Variants in UNC80 observed in about 807,000 individuals in gnomAD.
UNC80 encodes protein unc-80 homolog.
Under a neutral mutation model 384.6 loss-of-function variants are expected in UNC80, and 164 were observed. The ratio of observed to expected loss-of-function variants is 0.43; its 90% confidence interval spans 0.38 to 0.49. The LOEUF is 0.49. Ranked by LOEUF, UNC80 falls within the 20% of genes least tolerant of loss-of-function variation. The probability of loss-of-function intolerance (pLI) is 0.00; values close to 1 mark genes in which losing one functional copy is unlikely to be tolerated. For missense variants in UNC80, 3,330 were observed against 4,143.0 expected, an observed-to-expected ratio of 0.80 and a Z score of 5.39; for synonymous variants, 1,486 against 1,527.8, an observed-to-expected ratio of 0.97 and a Z score of 0.64.
At position 209,808,016 on chromosome 2, in the gene UNC80, G is replaced by A. The variant is rs568559240; in HGVS notation, c.939-5564G>A. Among the ~76,000 whole-genome samples, 7 of 152,228 alleles carry A rather than the reference G, an allele frequency of 4.6e-5. No individual in the cohort carries two copies. In the South Asian group the frequency reaches 1.0e-3, roughly 23 times the overall value. On this transcript the variant is annotated intron_variant, in intron 7 of 64. Coordinates refer to ENST00000673920, the MANE Select transcript of UNC80 (RefSeq NM_001371986.1). ...AACAAATTTTGATTACATAAGATAC[G>A]GATATGTTTCTAGTCTCTGATCACA...
chr2:209,848,349 T>C (rs1404923903), intron 21 of UNC80, among the ~76,000 whole-genome samples: 1 of 152,110 alleles, frequency 6.6e-6, no homozygotes, highest in Non-Finnish European at 1.5e-5. Context: ...TTTTGAACTT[T>C]TGAATATGGA....
rs1230626594 is a variant in UNC80, at chr2:209,813,785, A to G, written c.1144A>G (p.Arg382Gly). Residue 382 changes from arginine (R) to glycine (G), a missense_variant, in exon 8 of 65, where the codon AGG becomes GGG. This residue lies in a region of UNC80 where 937 missense variants were observed against 1,026.8 expected (regional missense o/e 0.91). Coordinates refer to ENST00000673920, the MANE Select transcript of UNC80 (RefSeq NM_001371986.1). Reference protein sequence around the residue: ...EPDIPLLPRPRSSSMVAAAPS... With the variant: ...EPDIPLLPRPGSSSMVAAAPS... ...AGATATTCCTCTCCTGCCCAGACCCAGGAGTAGCTCCATGGTGGCAGCAGC... is the reference window on the plus strand; with the variant it reads ...AGATATTCCTCTCCTGCCCAGACCCGGGAGTAGCTCCATGGTGGCAGCAGC... 1 of 1,552,062 alleles carries G rather than the reference A, an allele frequency of 6.4e-7. No individual in the cohort carries two copies. The highest frequency in any genetic ancestry group is 8.7e-7 in the Non-Finnish European group (1 of 1,147,104).
chr2:209,933,236 G>A (rs527313019), intron 38 of UNC80, among the ~76,000 whole-genome samples: 23 of 152,112 alleles, frequency 1.5e-4, no homozygotes, highest in African/African-American at 4.3e-4. Context: ...AACTTTAAAA[G>A]GTGCAAAAGA....
At chr2:209,820,211 G>C in intron 12 of UNC80, 100 bp from the exon 13 acceptor site, 1 of 1,396,732 alleles carries the variant, frequency 7.2e-7, no homozygotes, top group Non-Finnish European at 9.3e-7. Context: ...CAATTTCATA[G>C]ACTAGCCTAA....
chr2:209,932,057 G>C (rs889401011), intron 38 of UNC80, among the ~76,000 whole-genome samples: 2 of 152,150 alleles, frequency 1.3e-5, no homozygotes, highest in African/African-American at 4.8e-5. Flanking sequence ...GTGAGACCAT[G>C]TTCTTAAGTC....
intron 51 of UNC80, 145 bp from the exon 52 acceptor site, chr2:209,967,292 G>A (rs76615700): frequency 6.2e-6 from 3 of 481,200 alleles, no homozygotes; most frequent in South Asian, 5.6e-5. Flanking sequence ...AGAGCAGAGG[G>A]ATAGAGGATG....
intron 52 of UNC80, chr2:209,968,154 A>G (rs1389324196): frequency 6.5e-6 from 1 of 153,302 alleles, no homozygotes; most frequent in Non-Finnish European, 1.5e-5. Context: ...TCAGTGTGGT[A>G]CTAAATGAAC....
Position 209,982,257 on chromosome 2 carries a change from C to G in UNC80, c.9197C>G (p.Ser3066Cys), listed in dbSNP as rs1313976491. 1.3e-6 allele frequency: 2 copies of G among 1,551,646 alleles called. No homozygotes were observed. The highest frequency in any genetic ancestry group is 8.7e-7 in the Non-Finnish European group (1 of 1,146,976). ...AGTGCCATTGGAAGGAGGCGATTCT[C>G]CAGCCATGTCTCCAGCATGTCTGTA... is the stretch of plus-strand genomic sequence containing the variant. ...LLSAIGRRRFSSHVSSMSVPQ... is the reference protein window; with the variant it reads ...LLSAIGRRRFCSHVSSMSVPQ... The change falls in exon 60 of 65, where the codon TCC becomes TGC. Residue 3066 changes from serine to cysteine, a missense_variant. Physicochemically the swap from Ser to Cys is moderately radical, Grantham distance 112. Transcript: ENST00000673920.
At chr2:209,793,600 G>T in intron 6 of UNC80, 120 bp from the exon 7 acceptor site, 2 of 1,219,908 alleles carry the variant, frequency 1.6e-6, no homozygotes, top group Non-Finnish European at 2.2e-6. Context: ...TAACTATAGT[G>T]AAAAAAAGCC....
chr2:209,807,048 C>T (rs546598522), intron 7 of UNC80, among the ~76,000 whole-genome samples: 142 of 152,222 alleles, frequency 9.3e-4, no homozygotes, highest in African/African-American at 3.1e-3. Context: ...TCTTTTCTGT[C>T]ATAACATGTT....
intron 20 of UNC80, among the ~76,000 whole-genome samples, chr2:209,840,923 T>C (rs114406633): frequency 0.013 from 2,040 of 152,306 alleles, 50 homozygotes; most frequent in African/African-American, 0.045. Flanking sequence ...CCCAGCTATT[T>C]TTAACTTTTA....
At chr2:209,926,751 G>A (rs1236520116) in intron 35 of UNC80, 92 bp from the exon 36 acceptor site, 7 of 1,464,318 alleles carry the variant, frequency 4.8e-6, no homozygotes, top group Middle Eastern at 1.7e-4. Context: ...ACTCCAGCCT[G>A]GGTGACAGAG....
intron 47 of UNC80, among the ~76,000 whole-genome samples, chr2:209,948,117 G>A (rs1378517637): frequency 6.6e-6 from 1 of 152,044 alleles, no homozygotes; most frequent in Non-Finnish European, 1.5e-5. Flanking sequence ...TATCTAGTTT[G>A]AAGGTATTAT....
intron 7 of UNC80, among the ~76,000 whole-genome samples, chr2:209,806,382 T>C (rs187430175): frequency 1.3e-5 from 2 of 152,350 alleles, no homozygotes; most frequent in African/African-American, 4.8e-5. Flanking sequence ...TTCTCTGATA[T>C]GTCAATACTC....
intron 26 of UNC80, among the ~76,000 whole-genome samples, chr2:209,891,401 C>G (rs1209747360): frequency 6.6e-6 from 1 of 152,034 alleles, no homozygotes; most frequent in Non-Finnish European, 1.5e-5. Context: ...AAGCTTCCCT[C>G]TTTTAAACAT....
intron 20 of UNC80, among the ~76,000 whole-genome samples, chr2:209,841,741 A>T (rs940617232): frequency 5.3e-5 from 8 of 152,226 alleles, no homozygotes; most frequent in Non-Finnish European, 2.9e-5. Flanking sequence ...TAGAAAATAT[A>T]TGTATCATTC....
chr2:209,793,144 C>A (rs2077931548), intron 6 of UNC80, among the ~76,000 whole-genome samples: 1 of 152,256 alleles, frequency 6.6e-6, no homozygotes, highest in African/African-American at 2.4e-5. Context: ...ATCACCTGGG[C>A]AGAATTACAT....
At chr2:209,986,364 G>T (rs1215142405) in intron 61 of UNC80, among the ~76,000 whole-genome samples, 1 of 152,150 alleles carries the variant, frequency 6.6e-6, no homozygotes, top group Non-Finnish European at 1.5e-5. Context: ...AGTAAGGATT[G>T]GTGAGAGAAG....
At chr2:209,932,859 A>C (rs1288055964) in intron 38 of UNC80, among the ~76,000 whole-genome samples, 6 of 152,200 alleles carry the variant, frequency 3.9e-5, no homozygotes. Context: ...TTTAACCCAT[A>C]GGACTTTCTA....
Sources: allele counts gnomAD v4.1 joint callset (sites outside exome capture counted in the v4.1 genomes callset), GRCh38; gene constraint gnomAD v4.1.1; regional missense constraint gnomAD v4.1.1; transcripts MANE v1.5; gene names NCBI Gene and HGNC (gene_info 2026-07-23, HGNC 2026-07-21).